The following ADGRB1 variants were observed in gnomAD, a reference collection of about 807,000 sequenced individuals.
ADGRB1 encodes the protein brain-specific angiogenesis inhibitor 1.
Under a neutral mutation model 175.7 loss-of-function variants are expected in ADGRB1, and 36 were observed. The ratio of observed to expected loss-of-function variants is 0.20; its 90% CI spans 0.16 to 0.27. The LOEUF is 0.27. Among genes scored for constraint, ADGRB1 ranks in the 10% least tolerant of loss-of-function variants. ADGRB1 has a pLI of 1.00. For missense variants in ADGRB1, 1,731 were observed against 2,255.3 expected, an observed-to-expected ratio of 0.77 and a Z score of 4.71; for synonymous variants, 1,054 against 979.4, an observed-to-expected ratio of 1.08 and a Z score of -1.42.
intron 18 of ADGRB1, among the ~76,000 whole-genome samples, chr8:142,514,723 A>G (rs1384146319): frequency 6.6e-6 from 1 of 152,106 alleles, no homozygotes; most frequent in Non-Finnish European, 1.5e-5. Context: ...GTGTGTGCCC[A>G]AGATCAAGAC....
chr8:142,521,835 C>T (rs1006153408), intron 20 of ADGRB1, 130 bp from the exon 21 acceptor site: 16 of 1,067,326 alleles, frequency 1.5e-5, no homozygotes, highest in African/African-American at 1.1e-4. Context: ...TGCCTTCTGC[C>T]TGGGGACCTG....
At chr8:142,513,564 G>C (rs1843221633) in intron 18 of ADGRB1, among the ~76,000 whole-genome samples, 1 of 152,198 alleles carries the variant, frequency 6.6e-6, no homozygotes, top group Non-Finnish European at 1.5e-5. Context: ...AGGGCTGTGG[G>C]CTGGGGTGCC....
chr8:142,520,679 G>A, intron 19 of ADGRB1, 144 bp from the exon 20 acceptor site: 1 of 638,240 alleles, frequency 1.6e-6, no homozygotes, highest in East Asian at 3.0e-5. Flanking sequence ...TGGTGGCGGT[G>A]ATGATGGTCA....
At chr8:142,541,097 C>G (rs76137080) in intron 27 of ADGRB1, among the ~76,000 whole-genome samples, 2 of 151,686 alleles carry the variant, frequency 1.3e-5, no homozygotes, top group Non-Finnish European at 1.5e-5. Context: ...GGGCAGGACA[C>G]AGGGGGCAGG....
In ADGRB1 at chr8:142,488,346, C is replaced by T. The variant is rs371611344; in HGVS notation, c.2309-18C>T. The T allele has an allele frequency of 6.2e-7, 1 of 1,612,774 alleles. No homozygotes were observed. Among genetic ancestry groups the T allele is most frequent in the Non-Finnish European group, 8.5e-7 (1 of 1,179,716 alleles). Reference sequence around the variant, plus strand: ...TTTCCCTCCTCTCTGTCTCTCCCGCCTTTGACCCTGCTCCCAGTTCTCAGC... The same window carrying T: ...TTTCCCTCCTCTCTGTCTCTCCCGCTTTTGACCCTGCTCCCAGTTCTCAGC... On this transcript the variant is annotated intron_variant, in intron 13 of 30. Coordinates refer to ENST00000517894, the MANE Select transcript of ADGRB1 (RefSeq NM_001702.3).
intron 11 of ADGRB1, among the ~76,000 whole-genome samples, chr8:142,482,508 T>TCACACTGAGCCCTGATCCTGGTCA (rs1476454546): frequency 7.2e-6 from 1 of 139,578 alleles, no homozygotes; most frequent in African/African-American, 2.7e-5. Context: ...CTGACCCTGG[T>TCACACTGAGCCCTGATCCTGGTCA]CACACTGAGC....
intron 3 of ADGRB1, 28 bp downstream of exon 3, chr8:142,475,663 C>T: frequency 1.8e-6 from 2 of 1,108,592 alleles, no homozygotes; most frequent in Non-Finnish European, 2.2e-6. Context: ...GGGGCGGAGC[C>T]GGAGCCCTGG....
chr8:142,529,760 C>G (rs899604570), intron 24 of ADGRB1, among the ~76,000 whole-genome samples: 1 of 149,106 alleles, frequency 6.7e-6, no homozygotes, highest in Admixed American at 6.7e-5. Context: ...GAGTGTGCAT[C>G]TATGTGTGTG....
chr8:142,478,406 G>C (rs1369150145), intron 7 of ADGRB1, 46 bp downstream of exon 7: 1 of 1,528,688 alleles, frequency 6.5e-7, no homozygotes. Flanking sequence ...TAACAAGCAG[G>C]AGCCTCTAGG....
In ADGRB1 at chr8:142,500,266, ACGCGCCGC is replaced by A. The variant is rs1842434717; in HGVS notation, c.2675+9452_2675+9459del. 4.7e-4 allele frequency among the ~76,000 whole-genome samples: 2 copies of A among 4,226 alleles called. 1 individual carries two copies. Among genetic ancestry groups the A allele is most frequent in the Non-Finnish European group, 1.4e-3 (2 of 1,464 alleles). The allele number at this position is 4,226 out of a possible 152,430, so 2.8% of individuals were successfully genotyped here. ...CCACGCGCCGCTCCTCCACCTCCCC[ACGCGCCGC>A]TCCTCCACCTCCCCACGCGCCGCTC... is the stretch of plus-strand genomic sequence containing the variant. On this transcript the variant is annotated intron_variant, in intron 17 of 30. Transcript: ENST00000517894.
At chr8:142,468,932 G>GC (rs1186044100) in intron 2 of ADGRB1, among the ~76,000 whole-genome samples, 2 of 152,224 alleles carry the variant, frequency 1.3e-5, no homozygotes, top group Non-Finnish European at 2.9e-5. Flanking sequence ...TCCCTGACGT[G>GC]CCCCCCAACG....
chr8:142,456,812 C>G (rs185315809), intron 1 of ADGRB1, among the ~76,000 whole-genome samples: 89 of 152,382 alleles, frequency 5.8e-4, no homozygotes, highest in Non-Finnish European at 6.2e-4. Flanking sequence ...GATACAGCCT[C>G]CTCTCAGGGG....
chr8:142,499,383 C>T (rs933610513), intron 17 of ADGRB1, among the ~76,000 whole-genome samples: 4 of 152,252 alleles, frequency 2.6e-5, no homozygotes, highest in Non-Finnish European at 5.9e-5. Flanking sequence ...AAGTCCAGGA[C>T]GGCTTCTGAG....
At chr8:142,525,408 C>T (rs1288955810) in intron 23 of ADGRB1, among the ~76,000 whole-genome samples, 1 of 152,102 alleles carries the variant, frequency 6.6e-6, no homozygotes, top group Non-Finnish European at 1.5e-5. Flanking sequence ...CAGGCTGACC[C>T]TGGCGGCTGT....
At chr8:142,459,359 G>A (rs768638274) in intron 1 of ADGRB1, among the ~76,000 whole-genome samples, 6 of 152,186 alleles carry the variant, frequency 3.9e-5, no homozygotes, top group Non-Finnish European at 8.8e-5. Flanking sequence ...TGGTGTGGCC[G>A]AGGGGAGGAG....
intron 22 of ADGRB1, 129 bp downstream of exon 22, chr8:142,522,839 A>T: frequency 8.8e-7 from 1 of 1,131,822 alleles, no homozygotes; most frequent in Non-Finnish European, 1.2e-6. Flanking sequence ...AGGCTCAGGG[A>T]GGGTGGGGCC....
In ADGRB1 at chr8:142,504,483, G is replaced by T. The variant is rs1006230062; in HGVS notation, c.2676-6449G>T. Among the ~76,000 whole-genome samples the T allele has an allele frequency of 2.6e-5, 4 of 152,196 alleles. No individual in the cohort carries two copies. Among genetic ancestry groups the T allele is most frequent in the African/African-American group, 9.7e-5 (4 of 41,450 alleles). ...AGGCCCCTCTGGGATGGTCGCGGGGGGCTCTGGCTGCTGGGTGAGGCAGAA... is the reference window on the plus strand; with the variant it reads ...AGGCCCCTCTGGGATGGTCGCGGGGTGCTCTGGCTGCTGGGTGAGGCAGAA... On this transcript the variant is annotated intron_variant, in intron 17 of 30. Coordinates refer to ENST00000517894, the MANE Select transcript of ADGRB1 (RefSeq NM_001702.3). This position sits in a 1 kb window ranked among gnomAD's most constrained non-coding sequence, Gnocchi z 5.6.
chr8:142,488,397 C>T lies in ADGRB1; in HGVS notation c.2342C>T (p.Ala781Val). The change falls in exon 14 of 31, where the codon GCC becomes GTC. Residue 781 changes from alanine (A) to valine (V), a missense_variant. This residue lies in a region of ADGRB1 where 388 missense variants were observed against 630.9 expected (regional missense o/e 0.61). Transcript: ENST00000517894. ...LSIHKLPASGATDISFPMKGW... is the reference protein window; with the variant it reads ...LSIHKLPASGVTDISFPMKGW... ...ATCCATAAGCTCCCAGCCAGCGGAG[C>T]CACTGACATCAGCTTCCCCATGAAG... is the stretch of plus-strand genomic sequence containing the variant. 1 of 1,613,302 alleles carries T rather than the reference C, an allele frequency of 6.2e-7. No homozygotes were observed. The highest frequency in any genetic ancestry group is 8.5e-7 in the Non-Finnish European group (1 of 1,179,832).
At position 142,504,391 on chromosome 8, in the gene ADGRB1, G is replaced by A. The variant is rs1208037122; in HGVS notation, c.2676-6541G>A. ...CGTGTGTTTGCTGGGTTACCTGCTG[G>A]GCTGGCCTGTGCAGGCAGGGCCACC... On this transcript the variant is annotated intron_variant, in intron 17 of 30. Coordinates refer to ENST00000517894, the MANE Select transcript of ADGRB1 (RefSeq NM_001702.3). The surrounding 1 kb of genome is among the most constrained non-coding windows in gnomAD (Gnocchi z 5.6). Among the ~76,000 whole-genome samples the A allele has an allele frequency of 6.6e-6, 1 of 152,184 alleles. No homozygotes were observed.
Sources: allele counts gnomAD v4.1 joint callset (sites outside exome capture counted in the v4.1 genomes callset), GRCh38; gene constraint gnomAD v4.1.1; regional missense constraint gnomAD v4.1.1; non-coding constraint Gnocchi (gnomAD v3.1); transcripts MANE v1.5; gene names NCBI Gene and HGNC (gene_info 2026-07-23, HGNC 2026-07-21).